Variants in RARB observed in about 807,000 individuals in gnomAD.
The protein encoded by RARB is retinoic acid receptor beta.
RARB carries 17 observed loss-of-function variants against 51.9 expected under a neutral mutation model. The ratio of observed to expected loss-of-function variants is 0.33; its 90% CI spans 0.22 to 0.49. The LOEUF is 0.49. Among genes scored for constraint, RARB ranks in the 20% least tolerant of loss-of-function variants. The probability of loss-of-function intolerance (pLI) is 0.99; values close to 1 mark genes in which losing one functional copy is unlikely to be tolerated. For missense variants in RARB, 369 were observed against 550.8 expected, an observed-to-expected ratio of 0.67 and a Z score of 3.30; for synonymous variants, 215 against 195.4, an observed-to-expected ratio of 1.10 and a Z score of -0.84.
At chr3:25,119,250 T>C (rs1699739567) in intron 3 of RARB, among the ~76,000 whole-genome samples, 1 of 152,162 alleles carries the variant, frequency 6.6e-6, no homozygotes, top group African/African-American at 2.4e-5. Context: ...TCTATGGTCA[T>C]CTACTGGCAG....
chr3:25,480,242 C>T (rs1337788816), intron 2 of RARB, among the ~76,000 whole-genome samples: 1 of 152,230 alleles, frequency 6.6e-6, no homozygotes, highest in African/African-American at 2.4e-5. Context: ...GAGAAGTAGA[C>T]AGTGTAGTAT....
At chr3:25,595,301 T>G (rs1701775629) in intron 7 of RARB, among the ~76,000 whole-genome samples, 1 of 152,178 alleles carries the variant, frequency 6.6e-6, no homozygotes, top group East Asian at 1.9e-4. Context: ...TGGGCTATTG[T>G]CATTCTCCTT....
chr3:24,832,023 T>A (rs1702288991), intron 1 of RARB, among the ~76,000 whole-genome samples: 1 of 152,190 alleles, frequency 6.6e-6, no homozygotes, highest in Admixed American at 6.5e-5. Context: ...GTTATTAACA[T>A]CTTAAGACAA....
At chr3:25,498,657 C>A (rs1237850208) in intron 2 of RARB, among the ~76,000 whole-genome samples, 1 of 151,802 alleles carries the variant, frequency 6.6e-6, no homozygotes, top group Non-Finnish European at 1.5e-5. Context: ...GATTGTTCTT[C>A]TCTCCTTTCT....
chr3:25,238,344 G>T (rs1038163826), intron 5 of RARB, among the ~76,000 whole-genome samples: 1 of 152,018 alleles, frequency 6.6e-6, no homozygotes, highest in Non-Finnish European at 1.5e-5. Flanking sequence ...TTATTGTTTT[G>T]TATGGCCAAA....
chr3:25,578,701 A>C (rs1009254218), intron 4 of RARB, among the ~76,000 whole-genome samples: 1 of 152,086 alleles, frequency 6.6e-6, no homozygotes, highest in Non-Finnish European at 1.5e-5. Flanking sequence ...ATGCATGTCT[A>C]CTCTCCACAA....
chr3:24,834,432 T>C (rs183248241), intron 1 of RARB, among the ~76,000 whole-genome samples: 25 of 152,280 alleles, frequency 1.6e-4, no homozygotes, highest in Admixed American at 4.6e-4. Context: ...TGTATACAGA[T>C]TTTTTTGACA....
chr3:25,101,454 G>A (rs1025329790), intron 3 of RARB, among the ~76,000 whole-genome samples: 4 of 151,810 alleles, frequency 2.6e-5, no homozygotes, highest in African/African-American at 9.7e-5. Context: ...ATCCTTCAAA[G>A]TTATATATAT....
chr3:24,863,794 C>T (rs1025667433), intron 2 of RARB, among the ~76,000 whole-genome samples: 2 of 151,754 alleles, frequency 1.3e-5, no homozygotes, highest in African/African-American at 4.8e-5. Context: ...ATTTGATAAC[C>T]TCCTACTTCA....
intron 2 of RARB, among the ~76,000 whole-genome samples, chr3:25,038,995 G>T (rs1241837797): frequency 1.3e-5 from 2 of 152,198 alleles, no homozygotes; most frequent in Non-Finnish European, 2.9e-5. Flanking sequence ...CAGAGGAGCA[G>T]CTACTTTGCT....
chr3:25,060,524 TGTTGCAAAAGCAGCTCA>T (rs1698527973), intron 3 of RARB, among the ~76,000 whole-genome samples: 1 of 151,868 alleles, frequency 6.6e-6, no homozygotes, highest in Non-Finnish European at 1.5e-5. Context: ...CTTGCTGTTG[TGTTGCAAAAGCAGCTCA>T]GGTCAAAATG....
intron 4 of RARB, among the ~76,000 whole-genome samples, chr3:25,574,712 C>A (rs994934106): frequency 6.6e-6 from 1 of 152,126 alleles, no homozygotes; most frequent in Non-Finnish European, 1.5e-5. Context: ...GAAAAATGAC[C>A]ACAAACAGAA....
intron 5 of RARB, among the ~76,000 whole-genome samples, chr3:25,296,497 A>T (rs1238369580): frequency 6.6e-6 from 1 of 152,208 alleles, no homozygotes; most frequent in Non-Finnish European, 1.5e-5. Context: ...TGAAGTCGAC[A>T]TGAGGTTGAA....
intron 5 of RARB, among the ~76,000 whole-genome samples, chr3:25,240,915 T>C (rs1702416089): frequency 2.0e-5 from 3 of 152,210 alleles, no homozygotes; most frequent in Admixed American, 1.3e-4. Flanking sequence ...ATTGGTGTTC[T>C]TTGGAAGTTT....
intron 2 of RARB, among the ~76,000 whole-genome samples, chr3:24,873,602 T>C (rs1419871929): frequency 6.6e-6 from 1 of 151,992 alleles, no homozygotes; most frequent in African/African-American, 2.4e-5. Context: ...TCCATATTTT[T>C]ATTTAGTACT....
intron 3 of RARB, among the ~76,000 whole-genome samples, chr3:25,125,255 A>G (rs1283231381): frequency 2.6e-5 from 4 of 152,210 alleles, no homozygotes; most frequent in Non-Finnish European, 5.9e-5. Flanking sequence ...TAATCAGTGG[A>G]GCAGAGAAAA....
At chr3:25,219,511 A>G (rs1701900869) in intron 5 of RARB, among the ~76,000 whole-genome samples, 1 of 152,162 alleles carries the variant, frequency 6.6e-6, no homozygotes, top group South Asian at 2.1e-4. Flanking sequence ...AACCTAATGC[A>G]TCTCTTGGTA....
chr3:24,988,794 G>A (rs1327783476), intron 2 of RARB, among the ~76,000 whole-genome samples: 1 of 151,826 alleles, frequency 6.6e-6, no homozygotes, highest in Non-Finnish European at 1.5e-5. Flanking sequence ...TTCTCCTATT[G>A]ATGGCCACTT....
chr3:25,087,758 G>T (rs1190239179), intron 3 of RARB, among the ~76,000 whole-genome samples: 1 of 151,980 alleles, frequency 6.6e-6, no homozygotes, highest in Non-Finnish European at 1.5e-5. Context: ...AAGAGAAAGT[G>T]CTTGACAAAT....
Sources: allele counts gnomAD v4.1 joint callset (sites outside exome capture counted in the v4.1 genomes callset), GRCh38; gene constraint gnomAD v4.1.1; transcripts MANE v1.5; gene names NCBI Gene and HGNC (gene_info 2026-07-23, HGNC 2026-07-21).